Variants in VPS35L observed in about 807,000 individuals in gnomAD.
VPS35L encodes VPS35 endosomal protein-sorting factor-like.
Under a neutral mutation model 133.0 loss-of-function variants are expected in VPS35L, and 83 were observed. That is an observed-to-expected ratio of 0.62 (90% CI 0.52 to 0.75). The LOEUF is 0.75. Ranked by LOEUF, VPS35L falls within the 30% of genes least tolerant of loss-of-function variation. The probability of loss-of-function intolerance (pLI) is 0.00; values close to 1 mark genes in which losing one functional copy is unlikely to be tolerated. For missense variants in VPS35L, 1,083 were observed against 1,206.8 expected, an observed-to-expected ratio of 0.90 and a Z score of 1.52; for synonymous variants, 423 against 449.9, an observed-to-expected ratio of 0.94 and a Z score of 0.76.
At chr16:19,622,934 C>T (rs1337195647) in intron 14 of VPS35L, among the ~76,000 whole-genome samples, 6 of 152,120 alleles carry the variant, frequency 3.9e-5, no homozygotes, top group Non-Finnish European at 7.4e-5. Context: ...AGTGGAGGCT[C>T]TCGGGTGATC....
At chr16:19,682,145 C>A in intron 27 of VPS35L, 80 bp from the exon 28 acceptor site, 1 of 1,482,840 alleles carries the variant, frequency 6.7e-7, no homozygotes, top group Non-Finnish European at 9.3e-7. Context: ...GCGGGAGGAT[C>A]TGGGCTTCTG....
At chr16:19,640,127 C>T in intron 21 of VPS35L, 27 bp downstream of exon 21, 1 of 1,591,400 alleles carries the variant, frequency 6.3e-7, no homozygotes, top group Non-Finnish European at 8.6e-7. Flanking sequence ...GCAGCAGAAG[C>T]CTTGATTCCC....
At chr16:19,589,538 C>T (rs779075518) in intron 7 of VPS35L, among the ~76,000 whole-genome samples, 1 of 152,180 alleles carries the variant, frequency 6.6e-6, no homozygotes, top group Non-Finnish European at 1.5e-5. Context: ...AGCCACCATG[C>T]CCAGCTGGGA....
chr16:19,665,948 A>G (rs1228796341), intron 26 of VPS35L, among the ~76,000 whole-genome samples: 7 of 149,386 alleles, frequency 4.7e-5, no homozygotes, highest in Admixed American at 4.0e-4. Flanking sequence ...GCACCTTTTC[A>G]TATGCTTGTT....
intron 9 of VPS35L, chr16:19,607,802 G>A (rs891344348): frequency 6.9e-5 from 12 of 173,596 alleles, no homozygotes; most frequent in Admixed American, 4.0e-4. Flanking sequence ...AATGTCGGCC[G>A]CAGGGCCAGA....
rs146083970 is a variant in VPS35L at position 19,609,857 on chromosome 16, A to G, written c.930-465A>G. Among the ~76,000 whole-genome samples the G allele has an allele frequency of 3.0e-3, 460 of 152,330 alleles. 1 individual carries two copies. Among genetic ancestry groups the G allele is most frequent in the Middle Eastern group, 0.014 (4 of 294 alleles). The stretch of plus-strand genomic sequence containing the variant: ...TAGGCAGAGGGAAGACATACGTTGC[A>G]GGAGAAATAAATTGTAATTCACATT... On this transcript the variant is annotated intron_variant, in intron 11 of 30. Coordinates refer to ENST00000417362, the MANE Select transcript of VPS35L (RefSeq NM_020314.7).
intron 2 of VPS35L, among the ~76,000 whole-genome samples, chr16:19,566,751 C>G (rs1252364344): frequency 2.6e-5 from 4 of 151,672 alleles, no homozygotes; most frequent in Non-Finnish European, 5.9e-5. Context: ...TTGGCCCCCC[C>G]CTTTTTTTTC....
At chr16:19,609,417 A>G (rs971343750) in intron 11 of VPS35L, among the ~76,000 whole-genome samples, 13 of 152,150 alleles carry the variant, frequency 8.5e-5, no homozygotes, top group African/African-American at 3.1e-4. Context: ...CACACATGCA[A>G]CAATGAGAGT....
intron 26 of VPS35L, among the ~76,000 whole-genome samples, chr16:19,662,996 A>AAT (rs1311348518): frequency 6.6e-6 from 1 of 151,644 alleles, no homozygotes; most frequent in African/African-American, 2.4e-5. Flanking sequence ...CTCAAAAAAA[A>AAT]AATAATAATA....
At chr16:19,688,071 C>T (rs1975526275) in intron 28 of VPS35L, among the ~76,000 whole-genome samples, 1 of 152,048 alleles carries the variant, frequency 6.6e-6, no homozygotes, top group Admixed American at 6.6e-5. Context: ...GGATTACAGG[C>T]ACACATCACC....
chr16:19,558,782 G>A lies in VPS35L; in HGVS notation c.17+3036G>A, dbSNP rs2151495724. ...CTAGAAAAAAAAAAAAATTCCTCAGGCGTGGTGACGGGTGCCTGCAGTCCC... is the reference window on the plus strand; with the variant it reads ...CTAGAAAAAAAAAAAAATTCCTCAGACGTGGTGACGGGTGCCTGCAGTCCC... On this transcript the variant is annotated intron_variant, in intron 1 of 30. Coordinates refer to ENST00000417362, the MANE Select transcript of VPS35L (RefSeq NM_020314.7). Among the ~76,000 whole-genome samples the A allele has an allele frequency of 1.3e-5, 2 of 152,100 alleles. 1 individual carries two copies. Among genetic ancestry groups the A allele is most frequent in the South Asian group, 4.2e-4 (2 of 4,812 alleles).
At chr16:19,690,807 TA>T (rs534630057) in intron 28 of VPS35L, among the ~76,000 whole-genome samples, 1 of 151,130 alleles carries the variant, frequency 6.6e-6, no homozygotes, top group East Asian at 1.9e-4. Context: ...AAGAATAAAT[TA>T]AAAAAATAGC....
intron 27 of VPS35L, among the ~76,000 whole-genome samples, chr16:19,678,408 TTTTC>T (rs933761216): frequency 1.6e-4 from 24 of 151,876 alleles, no homozygotes; most frequent in Non-Finnish European, 7.4e-5. Flanking sequence ...TCCAGAACCG[TTTTC>T]TTTGTCTTAA....
At chr16:19,632,509 C>G (rs1973488738) in intron 18 of VPS35L, among the ~76,000 whole-genome samples, 1 of 152,172 alleles carries the variant, frequency 6.6e-6, no homozygotes, top group South Asian at 2.1e-4. Context: ...GTTGCAAAGA[C>G]TGGATTTTTC....
chr16:19,585,698 C>T (rs2151521754), intron 7 of VPS35L, among the ~76,000 whole-genome samples: 1 of 152,178 alleles, frequency 6.6e-6, no homozygotes, highest in Non-Finnish European at 1.5e-5. Context: ...AGCCATCACA[C>T]CTGGCCTATC....
chr16:19,690,401 A>G (rs1369963693), intron 28 of VPS35L, among the ~76,000 whole-genome samples: 1 of 152,186 alleles, frequency 6.6e-6, no homozygotes, highest in African/African-American at 2.4e-5. Context: ...TACTCTAGGC[A>G]GTGGTTGTCA....
At chr16:19,568,269 T>C (rs1008841701) in intron 2 of VPS35L, among the ~76,000 whole-genome samples, 1 of 151,532 alleles carries the variant, frequency 6.6e-6, no homozygotes, top group African/African-American at 2.4e-5. Flanking sequence ...GATGTGTTCT[T>C]GTTCACCTAC....
intron 9 of VPS35L, among the ~76,000 whole-genome samples, chr16:19,606,637 C>T (rs1338719645): frequency 6.6e-6 from 1 of 152,138 alleles, no homozygotes; most frequent in East Asian, 1.9e-4. Context: ...ATTTTGATCA[C>T]CTTCATATAC....
In VPS35L at chr16:19,624,107, C is replaced by CTTTT. The variant is rs1182015325; in HGVS notation, c.1225-2046_1225-2043dup. Among the ~76,000 whole-genome samples the CTTTT allele has an allele frequency of 2.0e-4, 13 of 65,842 alleles. 2 individuals carry two copies. The highest frequency in any genetic ancestry group is 6.2e-4 in the Admixed American group (3 of 4,836). 43.2% of individuals were successfully genotyped at this position (65,842 alleles called of 152,430 possible). A position where few individuals can be genotyped will look rare whatever the true frequency, so the allele number is the denominator to read the frequency against. Reference sequence around the variant, plus strand: ...GCATGAGCCATCGTGCCTACCAGGTCTTTTTTTTTTTTTTTTTTTTTTTTT... The same window carrying CTTTT: ...GCATGAGCCATCGTGCCTACCAGGTCTTTTTTTTTTTTTTTTTTTTTTTTTTTTT... On this transcript the variant is annotated intron_variant, in intron 14 of 30. Coordinates refer to ENST00000417362, the MANE Select transcript of VPS35L (RefSeq NM_020314.7).
Sources: allele counts gnomAD v4.1 joint callset (sites outside exome capture counted in the v4.1 genomes callset), GRCh38; gene constraint gnomAD v4.1.1; transcripts MANE v1.5; gene names NCBI Gene and HGNC (gene_info 2026-07-23, HGNC 2026-07-21).